DST: variants seen among roughly 807,000 people sequenced by gnomAD.
DST encodes the protein dystonin.
DST carries 253 observed loss-of-function variants against 875.2 expected under a neutral mutation model. That is an observed-to-expected ratio of 0.29 (90% CI 0.26 to 0.32). The LOEUF (loss-of-function observed/expected upper bound fraction) is 0.32. Among genes scored for constraint, DST ranks in the 10% least tolerant of loss-of-function variants. The pLI is 1.00. For missense variants in DST, 8,287 were observed against 9,111.6 expected (o/e 0.91, Z 3.68); for synonymous variants, 3,124 against 3,197.1 (o/e 0.98, Z 0.77).
At chr6:56,828,616 T>C (rs2099783560) in intron 4 of DST, among the ~76,000 whole-genome samples, 1 of 152,210 alleles carries the variant, frequency 6.6e-6, no homozygotes, top group South Asian at 2.1e-4. Context: ...GACTGAGCAA[T>C]GTGAAGAACT....
At chr6:56,526,615 T>A in intron 68 of DST, 48 bp from the exon 69 acceptor site, 1 of 1,557,010 alleles carries the variant, frequency 6.4e-7, no homozygotes, top group Non-Finnish European at 8.8e-7. Context: ...TTCAACAGAC[T>A]TTTCCTTTAA....
chr6:56,851,764 A>G, intron 3 of DST, 160 bp from the exon 4 acceptor site: 1 of 1,551,642 alleles, frequency 6.4e-7, no homozygotes, highest in Non-Finnish European at 8.7e-7. Context: ...TGCAGAAACC[A>G]AAAAAATAAA....
intron 2 of DST, among the ~76,000 whole-genome samples, chr6:56,932,031 G>C (rs1810562479): frequency 6.6e-6 from 1 of 152,128 alleles, no homozygotes; most frequent in Non-Finnish European, 1.5e-5. Flanking sequence ...CATGAGATTA[G>C]GAGGGGCCAG....
intron 4 of DST, among the ~76,000 whole-genome samples, chr6:56,758,084 C>T (rs1030328479): frequency 4.6e-5 from 7 of 152,210 alleles, no homozygotes; most frequent in African/African-American, 1.4e-4. Flanking sequence ...TAATCAAGCG[C>T]GTACAACTGT....
At chr6:56,641,006 T>C (rs1442883083) in intron 17 of DST, among the ~76,000 whole-genome samples, 2 of 152,178 alleles carry the variant, frequency 1.3e-5, no homozygotes, top group Non-Finnish European at 2.9e-5. Context: ...TATGATCATT[T>C]TTACATTTAT....
chr6:56,780,296 G>A (rs530519034), intron 4 of DST, among the ~76,000 whole-genome samples: 71 of 151,986 alleles, frequency 4.7e-4, no homozygotes, highest in African/African-American at 1.4e-3. Flanking sequence ...CTGAGGAATC[G>A]CCACACTGTC....
chr6:56,521,506 T>C (rs113877069), intron 69 of DST, among the ~76,000 whole-genome samples: 24 of 126,806 alleles, frequency 1.9e-4, no homozygotes, highest in Non-Finnish European at 3.6e-4. Context: ...TTTCCAGCAA[T>C]AAACAGTATG....
chr6:56,872,447 A>G (rs905570541), intron 3 of DST, among the ~76,000 whole-genome samples: 38 of 152,168 alleles, frequency 2.5e-4, no homozygotes, highest in Non-Finnish European at 4.9e-4. Flanking sequence ...ACTTGAGCCC[A>G]GGAGTTTGAG....
Position 56,606,741 on chromosome 6 carries a change from A to G in DST, c.7887T>C (p.Asp2629=). ...EDDDHDSLLL[D]GDDRDCLHPE... ...GGTGCAGGCAATCACGATCATCACCATCAAGAAGCAAAGAATCATGGTCAT... is the reference window on the plus strand; with the variant it reads ...GGTGCAGGCAATCACGATCATCACCGTCAAGAAGCAAAGAATCATGGTCAT... Residue 2629 remains aspartate, a synonymous_variant, in exon 40 of 104, where the codon GAT becomes GAC. Transcript: ENST00000680361. 1 of 1,613,506 alleles carries G rather than the reference A, an allele frequency of 6.2e-7. No individual in the cohort carries two copies. The highest frequency in any genetic ancestry group is 1.3e-5 in the African/African-American group (1 of 75,022).
chr6:56,941,573 C>T (rs192033530), intron 2 of DST, among the ~76,000 whole-genome samples: 1 of 152,202 alleles, frequency 6.6e-6, no homozygotes, highest in Non-Finnish European at 1.5e-5. Context: ...ACTTCACCCA[C>T]TTAGACTTAA....
At chr6:56,514,811 G>C (rs1007969354) in intron 72 of DST, among the ~76,000 whole-genome samples, 3 of 152,142 alleles carry the variant, frequency 2.0e-5, no homozygotes, top group African/African-American at 7.2e-5. Context: ...CTGCTGAAAA[G>C]AGGGCTTTAT....
intron 2 of DST, among the ~76,000 whole-genome samples, chr6:56,906,396 G>C (rs965477600): frequency 6.6e-6 from 1 of 152,166 alleles, no homozygotes; most frequent in Admixed American, 6.5e-5. Flanking sequence ...GCTTTCACAG[G>C]TGGATGCCTG....
At chr6:56,822,562 A>G (rs763118187) in intron 4 of DST, among the ~76,000 whole-genome samples, 1 of 152,220 alleles carries the variant, frequency 6.6e-6, no homozygotes, top group African/African-American at 2.4e-5. Flanking sequence ...GTGAAGAACC[A>G]TCAGAAAGGA....
chr6:56,596,007 T>TTTTATTTATTTA (rs1554444162), intron 47 of DST, among the ~76,000 whole-genome samples: 1 of 145,786 alleles, frequency 6.9e-6, no homozygotes, highest in African/African-American at 2.8e-5. Flanking sequence ...ACTTTCTTTC[T>TTTTATTTATTTA]TTTATTTATT....
chr6:56,512,477 GCAC>G (rs1267757272), intron 72 of DST, among the ~76,000 whole-genome samples: 1 of 152,172 alleles, frequency 6.6e-6, no homozygotes, highest in African/African-American at 2.4e-5. Context: ...TCTTTCATTT[GCAC>G]CACATTATTG....
At chr6:56,753,410 G>C (rs1228550999) in intron 4 of DST, among the ~76,000 whole-genome samples, 1 of 152,112 alleles carries the variant, frequency 6.6e-6, no homozygotes, top group African/African-American at 2.4e-5. Context: ...TCCCCACTCT[G>C]CTACTAACTC....
intron 73 of DST, 106 bp downstream of exon 73, chr6:56,511,091 T>C (rs749681996): frequency 7.3e-6 from 7 of 961,414 alleles, no homozygotes; most frequent in Non-Finnish European, 9.2e-6. Context: ...AGAGTGAATG[T>C]GGTGAAATAA....
intron 4 of DST, among the ~76,000 whole-genome samples, chr6:56,839,352 A>C (rs2099797292): frequency 6.6e-6 from 1 of 152,210 alleles, no homozygotes; most frequent in Admixed American, 6.5e-5. Context: ...TTTCTGTTAC[A>C]AACAGTCAAA....
chr6:56,552,505 T>C lies in DST; in HGVS notation c.16287A>G (p.Leu5429=), dbSNP rs1014829562. ...QKQKETIKAF[L]KKLEALMASN... is the part of the protein sequence containing the mutation. ...TTGCCATGAGGGCTTCTAGTTTCTT[T>C]AGAAAGGCTTTTATAGTTTCCTTTT... Residue 5429 remains leucine (L), a synonymous_variant, in exon 61 of 104, where the codon CTA becomes CTG. Coordinates refer to ENST00000680361, the MANE Select transcript of DST (RefSeq NM_001374736.1). 3.1e-6 allele frequency: 5 copies of C among 1,613,838 alleles called. No individual in the cohort carries two copies. In the African/African-American group the frequency reaches 6.7e-5, roughly 22 times the overall value.
Sources: gnomAD v4.1 joint callset for allele counts (sites outside exome capture counted in the v4.1 genomes callset) on GRCh38, gnomAD v4.1.1 for gene constraint, MANE v1.5 for transcripts, NCBI Gene and HGNC (gene_info 2026-07-23, HGNC 2026-07-21) for gene names.